SLC12A7: variants seen among roughly 807,000 people sequenced by gnomAD.
SLC12A7 encodes solute carrier family 12 member 7, also known as K-Cl cotransporter 4.
SLC12A7 carries 100 observed loss-of-function variants against 120.6 expected under a neutral mutation model. The ratio of observed to expected loss-of-function variants is 0.83; its 90% CI spans 0.71 to 0.98. The LOEUF (loss-of-function observed/expected upper bound fraction) is 0.98, where lower values mean the gene tolerates loss of function less well. SLC12A7 is among the 50% of genes least tolerant of loss of function. The pLI is 0.00. For missense variants in SLC12A7, 1,373 were observed against 1,548.1 expected (o/e 0.89, Z 1.90); for synonymous variants, 760 against 678.0 (o/e 1.12, Z -1.88).
chr5:1,085,124 C>A lies in SLC12A7; in HGVS notation c.917+108G>T, dbSNP rs551598023. 57 of 1,466,700 alleles carry A rather than the reference C, an allele frequency of 3.9e-5. No individual in the cohort carries two copies. The East Asian group carries it at 1.3e-3, about 33-fold the overall frequency. 90.9% of individuals were successfully genotyped at this position (1,466,700 alleles called of 1,614,324 possible). A position where few individuals can be genotyped will look rare whatever the true frequency, so the allele number is the denominator to read the frequency against. Reference sequence around the variant, plus strand: ...CCGCCACGGTCACACCCAGCCCACCCCTTGCGGGGAGCTCGGCGTCAAGGA... The same window carrying A: ...CCGCCACGGTCACACCCAGCCCACCACTTGCGGGGAGCTCGGCGTCAAGGA... On this transcript the variant is annotated intron_variant, in intron 7 of 23. Coordinates refer to ENST00000264930, the MANE Select transcript of SLC12A7 (RefSeq NM_006598.3).
At chr5:1,093,824 G>A (rs1740807574) in intron 2 of SLC12A7, among the ~76,000 whole-genome samples, 169 bp from the exon 3 acceptor site, 1 of 152,192 alleles carries the variant, frequency 6.6e-6, no homozygotes, top group African/African-American at 2.4e-5. Flanking sequence ...TGAGTCCGAG[G>A]CCAGGGCTCC....
intron 16 of SLC12A7, 126 bp from the exon 17 acceptor site, chr5:1,073,927 G>A: frequency 1.1e-6 from 1 of 923,288 alleles, no homozygotes; most frequent in Non-Finnish European, 1.4e-6. Flanking sequence ...ATGACAGGCG[G>A]GACAGGGGAC....
chr5:1,064,834 C>G (rs546532463), intron 18 of SLC12A7, among the ~76,000 whole-genome samples: 1 of 121,682 alleles, frequency 8.2e-6, no homozygotes, highest in African/African-American at 3.2e-5. Context: ...GGCGAGGGGA[C>G]GGCGAAGCGA....
At chr5:1,147,943 C>A in the SLC12A7 span, among the ~76,000 whole-genome samples, 2 of 151,862 alleles carry the variant, frequency 1.3e-5, no homozygotes, top group Admixed American at 1.3e-4. Flanking sequence ...CTATGTTGCC[C>A]AGGGTGGTCT....
chr5:1,151,178 G>A, the SLC12A7 span, among the ~76,000 whole-genome samples: 5 of 152,218 alleles, frequency 3.3e-5, no homozygotes, highest in Non-Finnish European at 7.3e-5. This position sits in a 1 kb window ranked among gnomAD's most constrained non-coding sequence, Gnocchi z 6.2. Context: ...TTGCAAAGGC[G>A]CCTTCTACCA....
In SLC12A7 at chr5:1,075,418, G is replaced by A. The variant is rs200151200; in HGVS notation, c.1920C>T (p.Ser640=). ...AGATGCAGCCAGCGATGAGCATGGC[G>A]GACAGCGCGTAGTACCAGGAGCAGA... ...MFICSWYYAL[S]AMLIAGCIYK... The change falls in exon 15 of 24, where the codon TCC becomes TCT. Residue 640 remains serine (S), a synonymous_variant. Transcript: ENST00000264930. The A allele has an allele frequency of 2.9e-5, 46 of 1,612,482 alleles. No individual in the cohort carries two copies. The Admixed American group carries it at 4.5e-4, about 16-fold the overall frequency.
chr5:1,085,164 CG>C, intron 7 of SLC12A7, 67 bp downstream of exon 7: 1 of 1,567,568 alleles, frequency 6.4e-7, no homozygotes, highest in Non-Finnish European at 8.7e-7. Flanking sequence ...GGACGAGAGG[CG>C]GGCAGAGCCC....
At chr5:1,076,880 G>A (rs1439681158) in intron 12 of SLC12A7, 68 bp from the exon 13 acceptor site, 1 of 1,094,768 alleles carries the variant, frequency 9.1e-7, no homozygotes, top group African/African-American at 1.5e-5. Context: ...CTGCAGGCTG[G>A]TCAGGTCTAG....
intron 14 of SLC12A7, 129 bp from the exon 15 acceptor site, chr5:1,075,619 G>T: frequency 7.3e-7 from 1 of 1,361,170 alleles, no homozygotes; most frequent in Non-Finnish European, 9.8e-7. Flanking sequence ...AGTCACTGAC[G>T]CCTGACGACC....
intron 17 of SLC12A7, 88 bp from the exon 18 acceptor site, chr5:1,065,566 C>A: frequency 1.2e-5 from 14 of 1,165,524 alleles, no homozygotes; most frequent in Non-Finnish European, 1.6e-5. Context: ...GGCACCCGCA[C>A]CACCTCCCCT....
At chr5:1,136,731 G>C in the SLC12A7 span, among the ~76,000 whole-genome samples, 2 of 122,468 alleles carry the variant, frequency 1.6e-5, no homozygotes, top group Admixed American at 8.7e-5. Context: ...GCACACGTGT[G>C]CTCAGACACC....
At chr5:1,074,958 G>A (rs960171639) in intron 15 of SLC12A7, among the ~76,000 whole-genome samples, 3 of 152,196 alleles carry the variant, frequency 2.0e-5, no homozygotes, top group Non-Finnish European at 1.5e-5. Flanking sequence ...TGACAGGGAA[G>A]TGGCTGGACC....
intron 1 of SLC12A7, among the ~76,000 whole-genome samples, chr5:1,098,071 T>C (rs1170828190): frequency 6.6e-6 from 1 of 151,220 alleles, no homozygotes; most frequent in African/African-American, 2.4e-5. Flanking sequence ...TCTAACCTTC[T>C]GCACACCCAG....
At chr5:1,107,901 C>G (rs1286609991) in intron 1 of SLC12A7, among the ~76,000 whole-genome samples, 1 of 152,184 alleles carries the variant, frequency 6.6e-6, no homozygotes. Context: ...GAGGGAGCCC[C>G]TCACCACTCA....
intron 1 of SLC12A7, among the ~76,000 whole-genome samples, chr5:1,103,482 C>T (rs1011153795): frequency 3.3e-5 from 5 of 152,058 alleles, no homozygotes; most frequent in South Asian, 2.1e-4. Context: ...GGCACTTCCA[C>T]GTGCACACGC....
rs1738111154 is a variant in SLC12A7, at chr5:1,074,594, T to C, written c.2045A>G (p.His682Arg). ...AARYALLRVE[H>R]GPPHTKNWRP... is the part of the protein sequence containing the mutation. ...CCAGTTCTTGGTGTGGGGGGGACCG[T>C]GCTCCACGCGCAGCAGGGCGTAGCG... Residue 682 changes from histidine to arginine, a missense_variant, in exon 16 of 24, where the codon CAC (histidine) becomes CGC (arginine). Transcript: ENST00000264930. The C allele has an allele frequency of 6.2e-7, 1 of 1,612,636 alleles. No individual in the cohort carries two copies. Among genetic ancestry groups the C allele is most frequent in the Non-Finnish European group, 8.5e-7 (1 of 1,179,808 alleles).
intron 6 of SLC12A7, 127 bp from the exon 7 acceptor site, chr5:1,085,600 C>T: frequency 7.6e-7 from 1 of 1,318,530 alleles, no homozygotes; most frequent in Non-Finnish European, 1.0e-6. Context: ...CGGGACGCAT[C>T]CGTGCTGGAC....
chr5:1,053,378 G>A lies in SLC12A7; in HGVS notation c.3131C>T (p.Pro1044Leu). ...AQLVLLNMPGPPKNRQGDENY... is the reference protein window; with the variant it reads ...AQLVLLNMPGLPKNRQGDENY... ...CTCGTCTCCCTGCCGGTTTTTGGGA[G>A]GACCTGGCATGTTGAGCAGGACCAG... The change falls in exon 23 of 24, where the codon CCT becomes CTT. Residue 1044 changes from proline to leucine, a missense_variant. Pro to Leu is a moderately conservative substitution (Grantham distance 98, BLOSUM62 -3). Coordinates refer to ENST00000264930, the MANE Select transcript of SLC12A7 (RefSeq NM_006598.3). 3 of 1,613,944 alleles carry A rather than the reference G, an allele frequency of 1.9e-6. No homozygotes were observed. The highest frequency in any genetic ancestry group is 2.5e-6 in the Non-Finnish European group (3 of 1,179,984).
At chr5:1,077,503 G>C (rs1281869072) in intron 12 of SLC12A7, among the ~76,000 whole-genome samples, 3 of 152,210 alleles carry the variant, frequency 2.0e-5, no homozygotes, top group Non-Finnish European at 1.5e-5. Flanking sequence ...CAGCCACACA[G>C]AGAAAGATGT....
Sources: allele counts gnomAD v4.1 joint callset (sites outside exome capture counted in the v4.1 genomes callset), GRCh38; gene constraint gnomAD v4.1.1; non-coding constraint Gnocchi (gnomAD v3.1); transcripts MANE v1.5; gene names NCBI Gene and HGNC (gene_info 2026-07-23, HGNC 2026-07-21).